The following ADAMTS12 variants were observed in gnomAD, a reference collection of about 807,000 sequenced individuals.
ADAMTS12 encodes the protein ADAM metallopeptidase with thrombospondin type 1 motif 12.
Under a neutral mutation model 167.8 loss-of-function variants are expected in ADAMTS12, and 118 were observed. That is an observed-to-expected ratio of 0.70 (90% CI 0.61 to 0.82). The LOEUF is 0.82. Ranked by LOEUF, ADAMTS12 falls within the 40% of genes least tolerant of loss-of-function variation. The pLI, the probability that ADAMTS12 is intolerant of heterozygous loss-of-function variation, is 0.00. For missense variants in ADAMTS12, 1,916 were observed against 1,998.8 expected (o/e 0.96, Z 0.79); for synonymous variants, 704 against 716.9 (o/e 0.98, Z 0.29).
intron 16 of ADAMTS12, among the ~76,000 whole-genome samples, chr5:33,607,958 T>C (rs1738527113): frequency 1.3e-5 from 2 of 152,180 alleles, no homozygotes; most frequent in Non-Finnish European, 2.9e-5. Flanking sequence ...ATTAGAGAAC[T>C]AGATCAATGC....
chr5:33,694,618 T>C (rs1012188554), intron 3 of ADAMTS12, among the ~76,000 whole-genome samples: 5 of 151,416 alleles, frequency 3.3e-5, no homozygotes, highest in Admixed American at 6.6e-5. Context: ...GAGAGCCACA[T>C]GAACACACTT....
chr5:33,811,998 G>GT (rs1747480332), intron 2 of ADAMTS12, among the ~76,000 whole-genome samples: 1 of 152,176 alleles, frequency 6.6e-6, no homozygotes, highest in Non-Finnish European at 1.5e-5. Context: ...TCAAAGATTT[G>GT]TCAGCAGCTT....
chr5:33,574,584 C>G (rs1294826426), intron 19 of ADAMTS12, among the ~76,000 whole-genome samples: 2 of 118,106 alleles, frequency 1.7e-5, no homozygotes, highest in Admixed American at 1.2e-4. Flanking sequence ...ACATCACACT[C>G]TGGGGACTGT....
intron 18 of ADAMTS12, among the ~76,000 whole-genome samples, chr5:33,582,807 T>C (rs778028840): frequency 6.6e-6 from 1 of 152,232 alleles, no homozygotes; most frequent in Non-Finnish European, 1.5e-5. Context: ...ACTTTTGCTA[T>C]AAAAAACATT....
chr5:33,716,260 C>T (rs1006951724), intron 3 of ADAMTS12, among the ~76,000 whole-genome samples: 5 of 152,036 alleles, frequency 3.3e-5, no homozygotes, highest in Non-Finnish European at 7.4e-5. Flanking sequence ...TTTAAGTCTG[C>T]CCTCACCAGA....
At chr5:33,849,566 C>T (rs1440627578) in intron 2 of ADAMTS12, among the ~76,000 whole-genome samples, 41 of 125,592 alleles carry the variant, frequency 3.3e-4, no homozygotes, top group Admixed American at 1.0e-3. Context: ...CATAGCAATA[C>T]ACATGTGTAT....
chr5:33,730,738 A>G (rs1219460987), intron 3 of ADAMTS12, among the ~76,000 whole-genome samples: 1 of 152,158 alleles, frequency 6.6e-6, no homozygotes, highest in African/African-American at 2.4e-5. Context: ...TGTTTTTCAC[A>G]CTGGTATAAT....
chr5:33,677,753 T>C (rs745567637), intron 5 of ADAMTS12, among the ~76,000 whole-genome samples: 2 of 152,178 alleles, frequency 1.3e-5, no homozygotes, highest in African/African-American at 2.4e-5. Context: ...CATGGTTTCT[T>C]AATATGTTTG....
intron 5 of ADAMTS12, among the ~76,000 whole-genome samples, chr5:33,678,927 C>A (rs577678962): frequency 1.3e-5 from 2 of 152,128 alleles, no homozygotes; most frequent in African/African-American, 4.8e-5. Context: ...TGGAGATGGT[C>A]AGATAAATGG....
intron 2 of ADAMTS12, among the ~76,000 whole-genome samples, chr5:33,797,649 A>C (rs1016683867): frequency 6.6e-6 from 1 of 152,146 alleles, no homozygotes; most frequent in Non-Finnish European, 1.5e-5. Context: ...ATTCCTTATA[A>C]AATATGATAA....
At chr5:33,610,202 C>CAAA (rs200559275) in intron 16 of ADAMTS12, among the ~76,000 whole-genome samples, 3 of 151,450 alleles carry the variant, frequency 2.0e-5, no homozygotes, top group African/African-American at 7.3e-5. Context: ...ACAACAACAG[C>CAAA]AACAACAAAA....
chr5:33,782,552 T>C (rs188465134), intron 2 of ADAMTS12, among the ~76,000 whole-genome samples: 143 of 152,068 alleles, frequency 9.4e-4, no homozygotes, highest in African/African-American at 3.3e-3. Flanking sequence ...GAAACACACA[T>C]TATATTCAAA....
intron 2 of ADAMTS12, among the ~76,000 whole-genome samples, chr5:33,845,998 T>C (rs561057070): frequency 6.6e-6 from 1 of 152,200 alleles, no homozygotes; most frequent in Non-Finnish European, 1.5e-5. Context: ...TCCACTCCAA[T>C]GACCCAAATA....
chr5:33,650,897 G>A (rs141672306), intron 7 of ADAMTS12, among the ~76,000 whole-genome samples: 10 of 152,266 alleles, frequency 6.6e-5, no homozygotes, highest in East Asian at 3.9e-4. Context: ...AATTCAACTC[G>A]TCTGACTGGG....
chr5:33,880,495 T>C (rs929619080), intron 2 of ADAMTS12, among the ~76,000 whole-genome samples: 2 of 152,240 alleles, frequency 1.3e-5, no homozygotes, highest in Non-Finnish European at 2.9e-5. Flanking sequence ...ACACACAGCA[T>C]ATCTGCCTTT....
At chr5:33,817,483 G>A (rs1431986333) in intron 2 of ADAMTS12, among the ~76,000 whole-genome samples, 2 of 151,862 alleles carry the variant, frequency 1.3e-5, no homozygotes, top group Admixed American at 6.6e-5. Flanking sequence ...TCTTTATATT[G>A]TTATTATGGA....
chr5:33,785,512 C>T (rs145192477), intron 2 of ADAMTS12, among the ~76,000 whole-genome samples: 301 of 151,850 alleles, frequency 2.0e-3, no homozygotes, highest in African/African-American at 6.2e-3. Flanking sequence ...AGACAAACTA[C>T]GAAATGTGCA....
At chr5:33,788,847 C>T (rs1405757055) in intron 2 of ADAMTS12, among the ~76,000 whole-genome samples, 1 of 152,180 alleles carries the variant, frequency 6.6e-6, no homozygotes, top group Non-Finnish European at 1.5e-5. Flanking sequence ...TAAAAAGGGG[C>T]TGGGCAGGTA....
chr5:33,832,467 C>A (rs1301359552), intron 2 of ADAMTS12, among the ~76,000 whole-genome samples: 1 of 152,162 alleles, frequency 6.6e-6, no homozygotes, highest in Non-Finnish European at 1.5e-5. Context: ...TGAAAATAAT[C>A]ATTGTAATTG....
Sources: gnomAD v4.1 joint callset for allele counts (sites outside exome capture counted in the v4.1 genomes callset) on GRCh38, gnomAD v4.1.1 for gene constraint, MANE v1.5 for transcripts, NCBI Gene and HGNC (gene_info 2026-07-23, HGNC 2026-07-21) for gene names.